ANK1: variants seen among roughly 807,000 people sequenced by gnomAD.
ANK1 encodes ankyrin 1.
A neutral mutation model predicts 210.4 loss-of-function variants in ANK1; 51 were observed. The observed-to-expected ratio is 0.24, with a 90% CI of 0.19 to 0.31. The LOEUF (loss-of-function observed/expected upper bound fraction) is 0.31. Among genes scored for constraint, ANK1 ranks in the 10% least tolerant of loss-of-function variants. The probability of loss-of-function intolerance (pLI) is 1.00; values close to 1 mark genes in which losing one functional copy is unlikely to be tolerated. For missense variants in ANK1, 2,051 were observed against 2,504.4 expected (o/e 0.82, Z 3.86); for synonymous variants, 967 against 1,025.9 (o/e 0.94, Z 1.10).
At chr8:41,837,433 A>C (rs1017057277) in intron 1 of ANK1, among the ~76,000 whole-genome samples, 1 of 152,226 alleles carries the variant, frequency 6.6e-6, no homozygotes, top group African/African-American at 2.4e-5. Context: ...TGGGCTTCCT[A>C]GTCCACCATT....
rs1821641146 is a variant in ANK1 at position 41,698,189 on chromosome 8, G to T, written c.2559-68C>A. 5 of 1,511,054 alleles carry T rather than the reference G, an allele frequency of 3.3e-6. No homozygotes were observed. In the South Asian group the frequency reaches 4.5e-5, roughly 14 times the overall value. 93.6% of individuals were successfully genotyped at this position (1,511,054 alleles called of 1,614,324 possible). A position where few individuals can be genotyped will look rare whatever the true frequency, so the allele number is the denominator to read the frequency against. Reference sequence around the variant, plus strand: ...TGTGCACACAGCTCCTCTTCCTCTTGCCTCCAAGCCTCTCCCTCCGGCTTT... The same window carrying T: ...TGTGCACACAGCTCCTCTTCCTCTTTCCTCCAAGCCTCTCCCTCCGGCTTT... On this transcript the variant is annotated intron_variant, in intron 23 of 42. Transcript: ENST00000289734.
At chr8:41,857,514 G>A (rs1358216195) in intron 1 of ANK1, among the ~76,000 whole-genome samples, 5 of 151,952 alleles carry the variant, frequency 3.3e-5, no homozygotes, top group Non-Finnish European at 7.4e-5. Context: ...CGAGGCAGGC[G>A]AATCACCTGA....
At chr8:41,810,023 G>C (rs1158547317) in intron 1 of ANK1, among the ~76,000 whole-genome samples, 1 of 152,198 alleles carries the variant, frequency 6.6e-6, no homozygotes, top group African/African-American at 2.4e-5. Flanking sequence ...TGCAGGCAGT[G>C]GGGAGGGGGG....
At chr8:41,693,344 C>A in intron 29 of ANK1, 143 bp from the exon 30 acceptor site, 1 of 737,974 alleles carries the variant, frequency 1.4e-6, no homozygotes, top group Non-Finnish European at 2.4e-6. Context: ...ACCCTCACCC[C>A]GCTGCTCTTC....
At chr8:41,785,261 G>A (rs144884432) in intron 1 of ANK1, among the ~76,000 whole-genome samples, 107 of 152,352 alleles carry the variant, frequency 7.0e-4, no homozygotes, top group Middle Eastern at 3.4e-3. Flanking sequence ...TCGGAAGGCT[G>A]AGGCAGGAGG....
chr8:41,738,122 G>A (rs926232379), intron 2 of ANK1, among the ~76,000 whole-genome samples: 6 of 152,316 alleles, frequency 3.9e-5, no homozygotes, highest in South Asian at 2.1e-4. Flanking sequence ...AGAAAGCTTC[G>A]CAGAGGACTT....
chr8:41,867,941 C>A (rs1386812661), intron 1 of ANK1, among the ~76,000 whole-genome samples: 3 of 152,244 alleles, frequency 2.0e-5, no homozygotes, highest in African/African-American at 7.2e-5. Flanking sequence ...CTCACTGCAA[C>A]CTCCACCTCC....
At chr8:41,809,899 A>G (rs1295542971) in intron 1 of ANK1, among the ~76,000 whole-genome samples, 3 of 152,326 alleles carry the variant, frequency 2.0e-5, no homozygotes, top group Non-Finnish European at 2.9e-5. Context: ...TGCCTCTCCT[A>G]CTTTGTGAAA....
intron 1 of ANK1, among the ~76,000 whole-genome samples, chr8:41,843,888 G>A (rs1003003867): frequency 3.9e-5 from 6 of 152,090 alleles, no homozygotes; most frequent in African/African-American, 1.4e-4. Flanking sequence ...TGTCACTGAG[G>A]GAAGCCAAGG....
At chr8:41,742,496 G>C (rs554246886) in intron 2 of ANK1, among the ~76,000 whole-genome samples, 1 of 152,138 alleles carries the variant, frequency 6.6e-6, no homozygotes, top group African/African-American at 2.4e-5. Context: ...GCTGCATCCC[G>C]TGACTGAGGA....
At chr8:41,808,789 TAAGA>T (rs1008943175) in intron 1 of ANK1, among the ~76,000 whole-genome samples, 2 of 152,218 alleles carry the variant, frequency 1.3e-5, no homozygotes, top group African/African-American at 4.8e-5. Context: ...ACGTTACAGT[TAAGA>T]TTTTGTGCTC....
At position 41,765,065 on chromosome 8, in the gene ANK1, C is replaced by T. The variant is rs1390336410; in HGVS notation, c.28-6928G>A. Among the ~76,000 whole-genome samples, 3 of 150,996 alleles carry T rather than the reference C, an allele frequency of 2.0e-5. No individual in the cohort carries two copies. The East Asian group carries it at 5.8e-4, about 29-fold the overall frequency. ...CCTGGGTCAATCATTTCCCTTCCTTCCTTCCTTCTTTCCTTCCTTCCTTCT... is the reference window on the plus strand; with the variant it reads ...CCTGGGTCAATCATTTCCCTTCCTTTCTTCCTTCTTTCCTTCCTTCCTTCT... On this transcript the variant is annotated intron_variant, in intron 1 of 42. Coordinates refer to ENST00000289734, the MANE Select transcript of ANK1 (RefSeq NM_000037.4).
At chr8:41,681,956 C>T (rs570461673) in intron 37 of ANK1, among the ~76,000 whole-genome samples, 69 of 152,318 alleles carry the variant, frequency 4.5e-4, no homozygotes, top group Non-Finnish European at 7.6e-4. Context: ...GCTGAGGCTG[C>T]ACAGAGCAGC....
chr8:41,869,641 G>C (rs983419031), intron 1 of ANK1, among the ~76,000 whole-genome samples: 1 of 152,142 alleles, frequency 6.6e-6, no homozygotes, highest in Non-Finnish European at 1.5e-5. Flanking sequence ...CCAGGACCAG[G>C]ACTGTGCTGA....
At chr8:41,721,656 CA>C (rs55653901) in intron 9 of ANK1, among the ~76,000 whole-genome samples, 2,602 of 107,448 alleles carry the variant, frequency 0.024, 12 homozygotes, top group African/African-American at 0.09. Flanking sequence ...GACTTCATCT[CA>C]AAAAAAAAAA....
upstream of ANK1, among the ~76,000 whole-genome samples, chr8:41,797,858 G>T (rs1316987976): frequency 6.6e-6 from 1 of 151,998 alleles, no homozygotes; most frequent in African/African-American, 2.4e-5. This position sits in a 1 kb window ranked among gnomAD's most constrained non-coding sequence, Gnocchi z 4.0. Flanking sequence ...GCTGAGTTCA[G>T]AGCCCAGAGT....
At chr8:41,845,727 T>A (rs1294244818) in intron 1 of ANK1, among the ~76,000 whole-genome samples, 1 of 152,200 alleles carries the variant, frequency 6.6e-6, no homozygotes, top group African/African-American at 2.4e-5. Context: ...CACGAAATGA[T>A]CTGAGCATGA....
rs181291172 is a variant in ANK1 at position 41,723,665 on chromosome 8, G to A, written c.712-32C>T. The A allele has an allele frequency of 8.2e-4, 1,303 of 1,598,466 alleles. 20 individuals carry two copies. The East Asian group carries it at 0.027, about 33-fold the overall frequency. ...GGAGGAAGCAGGACGGTCAGGGCGC[G>A]TCATCCTTCCCTGGAATGCAGCTGC... On this transcript the variant is annotated intron_variant, in intron 7 of 42. Transcript: ENST00000289734.
intron 22 of ANK1, chr8:41,700,449 C>T (rs1822454225): frequency 6.2e-7 from 1 of 1,613,558 alleles, no homozygotes; most frequent in South Asian, 1.1e-5. Context: ...GTTATATGAG[C>T]AGTTCCTGGA....
Sources: allele counts gnomAD v4.1 joint callset (sites outside exome capture counted in the v4.1 genomes callset), GRCh38; gene constraint gnomAD v4.1.1; non-coding constraint Gnocchi (gnomAD v3.1); transcripts MANE v1.5; gene names NCBI Gene and HGNC (gene_info 2026-07-23, HGNC 2026-07-21).